OCA2: variants seen among roughly 807,000 people sequenced by gnomAD.
OCA2 encodes the protein OCA2 melanosomal transmembrane protein, also known as P protein.
OCA2 carries 77 observed loss-of-function variants against 100.2 expected under a neutral mutation model. That is an observed-to-expected ratio of 0.77 (90% CI 0.64 to 0.93). The LOEUF is 0.93. OCA2 is among the 40% of genes least tolerant of loss of function. The pLI is 0.00. For missense variants in OCA2, 1,062 were observed against 1,089.1 expected, an observed-to-expected ratio of 0.98 and a Z score of 0.35; for synonymous variants, 432 against 439.2, an observed-to-expected ratio of 0.98 and a Z score of 0.21.
At chr15:27,972,853 A>T (rs4068533) in intron 14 of OCA2, among the ~76,000 whole-genome samples, 1,708 of 48,170 alleles carry the variant, frequency 0.035, 319 homozygotes, top group Non-Finnish European at 0.12. Flanking sequence ...ATTTTATTTT[A>T]TTTTATTTTA....
At chr15:27,814,641 GC>G (rs2034207841) in intron 23 of OCA2, among the ~76,000 whole-genome samples, 1 of 152,176 alleles carries the variant, frequency 6.6e-6, no homozygotes, top group Admixed American at 6.5e-5. Flanking sequence ...ACATTGGGAG[GC>G]CGAGGCAGGC....
At chr15:28,050,088 G>A (rs2043462635) in intron 2 of OCA2, among the ~76,000 whole-genome samples, 1 of 152,126 alleles carries the variant, frequency 6.6e-6, no homozygotes, top group African/African-American at 2.4e-5. Flanking sequence ...AGACCAGCCT[G>A]GGCAACATAG....
rs1480516605 is a variant in OCA2 at position 27,997,792 on chromosome 15, G to C, written c.1045-7145C>G. 3.8e-5 allele frequency among the ~76,000 whole-genome samples: 5 copies of C among 131,006 alleles called. No homozygotes were observed. The East Asian group carries it at 1.0e-3, about 27-fold the overall frequency. The allele number at this position is 131,006 out of a possible 152,430, so 85.9% of individuals were successfully genotyped here. A position where few individuals can be genotyped will look rare whatever the true frequency, so the allele number is the denominator to read the frequency against. On this transcript the variant is annotated intron_variant, in intron 9 of 23. Transcript: ENST00000354638. ...GCAGTATGGCCATTTTCACGATATT[G>C]ATTCTTCCTACCCATGAGCATGGAA...
intron 19 of OCA2, among the ~76,000 whole-genome samples, chr15:27,917,638 G>A (rs2038714450): frequency 6.6e-6 from 1 of 152,124 alleles, no homozygotes; most frequent in Non-Finnish European, 1.5e-5. Context: ...CTGTAAGCTT[G>A]ATGATGATGG....
chr15:27,880,113 T>C (rs573405889), intron 19 of OCA2, among the ~76,000 whole-genome samples: 2 of 152,364 alleles, frequency 1.3e-5, no homozygotes, highest in African/African-American at 4.8e-5. Context: ...TAGGGAATCC[T>C]ATCCCCATTG....
At chr15:27,938,169 T>C (rs2039523361) in intron 18 of OCA2, among the ~76,000 whole-genome samples, 1 of 152,240 alleles carries the variant, frequency 6.6e-6, no homozygotes, top group Admixed American at 6.5e-5. Context: ...GCAGGATCCC[T>C]ATTTTACAGA....
intron 18 of OCA2, among the ~76,000 whole-genome samples, chr15:27,946,689 T>C (rs2039850548): frequency 6.6e-6 from 1 of 152,138 alleles, no homozygotes; most frequent in Non-Finnish European, 1.5e-5. Context: ...GAAGGAAAAG[T>C]TTTCTCTGCC....
chr15:27,817,586 C>T (rs766463301), intron 23 of OCA2, among the ~76,000 whole-genome samples: 1 of 152,196 alleles, frequency 6.6e-6, no homozygotes, highest in Non-Finnish European at 1.5e-5. Context: ...CAATCGACCA[C>T]TCCAACTTTC....
intron 2 of OCA2, among the ~76,000 whole-genome samples, chr15:28,072,957 G>A (rs2044311650): frequency 6.6e-6 from 1 of 152,138 alleles, no homozygotes; most frequent in Admixed American, 6.5e-5. Flanking sequence ...GGGTAGATAT[G>A]CAAAAGAAAA....
At chr15:27,952,397 C>T (rs2040063537) in intron 17 of OCA2, among the ~76,000 whole-genome samples, 1 of 152,168 alleles carries the variant, frequency 6.6e-6, no homozygotes, top group African/African-American at 2.4e-5. Flanking sequence ...GAGGGCAGGC[C>T]CCGAGGCACC....
chr15:27,921,350 A>C (rs2038851906), intron 19 of OCA2, among the ~76,000 whole-genome samples: 1 of 144,898 alleles, frequency 6.9e-6, no homozygotes, highest in African/African-American at 2.4e-5. Flanking sequence ...TATATAAGTG[A>C]AACAAAACTG....
chr15:27,837,743 A>G (rs1247054273), intron 23 of OCA2, among the ~76,000 whole-genome samples: 1 of 152,026 alleles, frequency 6.6e-6, no homozygotes, highest in Non-Finnish European at 1.5e-5. Flanking sequence ...CATCACCCGC[A>G]AGAGAAGACA....
chr15:27,900,354 T>TCCCAC (rs1473490415), intron 19 of OCA2, among the ~76,000 whole-genome samples: 7 of 152,070 alleles, frequency 4.6e-5, no homozygotes, highest in Non-Finnish European at 8.8e-5. Context: ...CCCACCTCCT[T>TCCCAC]ATAAATAATC....
intron 23 of OCA2, among the ~76,000 whole-genome samples, chr15:27,778,596 GA>G (rs887500340): frequency 4.8e-4 from 69 of 144,814 alleles, no homozygotes; most frequent in Middle Eastern, 3.5e-3. Context: ...ATCTTGTAGA[GA>G]AAAAAAAAAA....
chr15:28,088,518 C>T (rs112880186), intron 1 of OCA2, among the ~76,000 whole-genome samples: 2 of 152,054 alleles, frequency 1.3e-5, no homozygotes, highest in African/African-American at 2.4e-5. Context: ...AATTCACCCC[C>T]GATATTTCAT....
At chr15:27,760,133 T>C (rs576802446) in intron 23 of OCA2, among the ~76,000 whole-genome samples, 1 of 152,142 alleles carries the variant, frequency 6.6e-6, no homozygotes, top group South Asian at 2.1e-4. Flanking sequence ...AAATTAAATA[T>C]TATACTTCTA....
chr15:27,902,645 C>A (rs1411508158), intron 19 of OCA2, among the ~76,000 whole-genome samples: 2 of 152,160 alleles, frequency 1.3e-5, no homozygotes, highest in African/African-American at 4.8e-5. Flanking sequence ...CCATCTCTGG[C>A]GAGTCCCACC....
chr15:28,010,974 G>C (rs1158813359), intron 9 of OCA2, among the ~76,000 whole-genome samples: 2 of 152,170 alleles, frequency 1.3e-5, no homozygotes, highest in Non-Finnish European at 2.9e-5. Flanking sequence ...TACTGGTAGA[G>C]GAACAGACAC....
At chr15:27,770,275 G>T (rs1025899219) in intron 23 of OCA2, among the ~76,000 whole-genome samples, 5 of 152,256 alleles carry the variant, frequency 3.3e-5, no homozygotes, top group African/African-American at 7.2e-5. Flanking sequence ...CTGGTCGCGC[G>T]CGGGGCCACG....
Sources: gnomAD v4.1 joint callset for allele counts (sites outside exome capture counted in the v4.1 genomes callset) on GRCh38, gnomAD v4.1.1 for gene constraint, MANE v1.5 for transcripts, NCBI Gene and HGNC (gene_info 2026-07-23, HGNC 2026-07-21) for gene names.